Variants in PHF21B observed in about 807,000 individuals in gnomAD.
PHF21B encodes the protein PHD finger protein 4.
In PHF21B, 22 loss-of-function variants were observed where a neutral mutation model predicts 62.2. That is an observed-to-expected ratio of 0.35 (90% CI 0.25 to 0.51). The LOEUF (loss-of-function observed/expected upper bound fraction) is 0.51. Ranked by LOEUF, PHF21B falls within the 20% of genes least tolerant of loss-of-function variation. PHF21B has a pLI of 0.97. For missense variants in PHF21B, 701 were observed against 707.9 expected (o/e 0.99, Z 0.11); for synonymous variants, 341 against 314.7 (o/e 1.08, Z -0.88).
chr22:45,008,291 C>T lies in PHF21B; in HGVS notation c.120+254G>A, dbSNP rs2073362766. 8.5e-6 allele frequency: 3 copies of T among 352,568 alleles called. No individual in the cohort carries two copies. The East Asian group carries it at 1.3e-4, about 15-fold the overall frequency. 21.8% of individuals were successfully genotyped at this position (352,568 alleles called of 1,614,324 possible). A position where few individuals can be genotyped will look rare whatever the true frequency, so the allele number is the denominator to read the frequency against. ...AACATGTCCACCACCTCAAAATGGA[C>T]GCCGGGCCGCGCGCTGCCTTTTAAG... On this transcript the variant is annotated intron_variant, in intron 2 of 12. Transcript: ENST00000313237.
intron 2 of PHF21B, among the ~76,000 whole-genome samples, chr22:44,926,768 G>A (rs1218610581): frequency 2.0e-5 from 3 of 152,194 alleles, no homozygotes; most frequent in Non-Finnish European, 4.4e-5. Context: ...AGCTAGGGGT[G>A]GCCATGTATC....
At chr22:44,933,812 T>C (rs2071791484) in intron 2 of PHF21B, among the ~76,000 whole-genome samples, 1 of 151,996 alleles carries the variant, frequency 6.6e-6, no homozygotes, top group Non-Finnish European at 1.5e-5. Context: ...AATGAATCTG[T>C]GTGTACCCTG....
chr22:44,970,083 C>T (rs1020792566), intron 2 of PHF21B, among the ~76,000 whole-genome samples: 7 of 152,242 alleles, frequency 4.6e-5, no homozygotes, highest in Non-Finnish European at 1.0e-4. Context: ...TCGGGGAAGC[C>T]AGAGCCCAGG....
intron 2 of PHF21B, among the ~76,000 whole-genome samples, chr22:44,924,511 T>C (rs8142768): frequency 0.28 from 41,984 of 152,130 alleles, 6,566 homozygotes; most frequent in African/African-American, 0.42. Flanking sequence ...GGTGGAGCCC[T>C]CAGTTAGTGC....
At chr22:44,920,539 C>A in intron 2 of PHF21B, 49 bp from the exon 3 acceptor site, 5 of 1,460,408 alleles carry the variant, frequency 3.4e-6, no homozygotes, top group African/African-American at 1.4e-5. Flanking sequence ...CAGCTGAGAC[C>A]GAATCCGTTG....
chr22:44,899,285 C>CTTTTTTTTTTTT (rs71188499), intron 5 of PHF21B, among the ~76,000 whole-genome samples: 13 of 97,556 alleles, frequency 1.3e-4, no homozygotes, highest in Non-Finnish European at 1.6e-4. Context: ...TGTTCTTATT[C>CTTTTTTTTTTTT]TTTTTTTTTT....
At chr22:44,979,030 T>C (rs1986623125) in intron 2 of PHF21B, among the ~76,000 whole-genome samples, 1 of 152,246 alleles carries the variant, frequency 6.6e-6, no homozygotes, top group Non-Finnish European at 1.5e-5. Context: ...CACTTTGGGC[T>C]CAGAAAACAT....
rs532855100 is a variant in PHF21B at position 44,891,354 on chromosome 22, G to A, written c.967C>T (p.Arg323Trp). The change falls in exon 8 of 13, where the codon CGG (arginine) becomes TGG (tryptophan). Residue 323 changes from arginine (R) to tryptophan (W), a missense_variant. By Grantham distance (101) the Arg-to-Trp change is moderately radical. Transcript: ENST00000313237. ...YSGLLETERK[R>W]LASNYLNNPL... Reference sequence around the variant, plus strand: ...TTGTTGAGATAGTTGGAGGCCAGCCGTTTCCTCTGCAGGGACAGAAAACAA... The same window carrying A: ...TTGTTGAGATAGTTGGAGGCCAGCCATTTCCTCTGCAGGGACAGAAAACAA... The A allele has an allele frequency of 6.8e-6, 11 of 1,613,754 alleles. No homozygotes were observed. The highest frequency in any genetic ancestry group is 5.0e-5 in the Admixed American group (3 of 59,958).
chr22:44,883,865 G>A (rs1046177098), intron 12 of PHF21B, among the ~76,000 whole-genome samples: 2 of 152,056 alleles, frequency 1.3e-5, no homozygotes, highest in South Asian at 2.1e-4. Flanking sequence ...CCTCTTCACA[G>A]CATTATAGAG....
At chr22:44,954,970 G>C (rs1569252124) in intron 2 of PHF21B, among the ~76,000 whole-genome samples, 1 of 152,204 alleles carries the variant, frequency 6.6e-6, no homozygotes, top group Non-Finnish European at 1.5e-5. Context: ...GGGACAACAG[G>C]ACCTCGGGGT....
At chr22:45,008,858 G>C (rs2073374952) in intron 1 of PHF21B, 14 of 1,181,414 alleles carry the variant, frequency 1.2e-5, no homozygotes, top group Non-Finnish European at 1.3e-5. Context: ...ACCCGGCGGC[G>C]CGCCCCGAGC....
intron 2 of PHF21B, among the ~76,000 whole-genome samples, chr22:44,955,208 C>T (rs1188219870): frequency 6.6e-6 from 1 of 152,212 alleles, no homozygotes; most frequent in Non-Finnish European, 1.5e-5. Flanking sequence ...CAAGAGCCAG[C>T]ACAGCGCCTG....
chr22:44,916,282 T>G lies in PHF21B; in HGVS notation c.562A>C (p.Lys188Gln), dbSNP rs758069295. Reference protein sequence around the residue: ...VQPLLISADNKPPPRLLSSPH... With the variant: ...VQPLLISADNQPPPRLLSSPH... Reference sequence around the variant, plus strand: ...GGAGCCTGCTGGTGGGCACTCACCTTGTTGTCAGCACTGATGAGGAGGGGC... The same window carrying G: ...GGAGCCTGCTGGTGGGCACTCACCTGGTTGTCAGCACTGATGAGGAGGGGC... Residue 188 changes from lysine (K) to glutamine (Q), a missense_variant and splice_region_variant, in exon 4 of 13, where the codon AAG (lysine) becomes CAG (glutamine). By Grantham distance (53) the Lys-to-Gln change is moderately conservative. Coordinates refer to ENST00000313237, the MANE Select transcript of PHF21B (RefSeq NM_138415.5). 6.2e-7 allele frequency: 1 copy of G among 1,608,616 alleles called. No individual in the cohort carries two copies. The highest frequency in any genetic ancestry group is 8.5e-7 in the Non-Finnish European group (1 of 1,179,070).
chr22:44,983,600 TG>T (rs1279361262), intron 2 of PHF21B, among the ~76,000 whole-genome samples: 1 of 152,222 alleles, frequency 6.6e-6, no homozygotes, highest in Non-Finnish European at 1.5e-5. Flanking sequence ...CATCATCTTC[TG>T]TACTTTTTGT....
At chr22:45,000,685 G>A (rs980474886) in intron 2 of PHF21B, 3 of 152,156 alleles carry the variant, frequency 2.0e-5, no homozygotes, top group Non-Finnish European at 4.4e-5. Context: ...GGCTGATGCA[G>A]GCGGCGTAGT....
intron 3 of PHF21B, among the ~76,000 whole-genome samples, chr22:44,918,690 G>A (rs1179387409): frequency 1.3e-5 from 2 of 152,264 alleles, no homozygotes; most frequent in Non-Finnish European, 2.9e-5. Flanking sequence ...CAAGCTGACT[G>A]TCCTGGAGGC....
chr22:44,933,875 A>C (rs190309096), intron 2 of PHF21B, among the ~76,000 whole-genome samples: 40 of 152,318 alleles, frequency 2.6e-4, no homozygotes, highest in African/African-American at 9.1e-4. Context: ...AATGATTTAC[A>C]CAACCACAGG....
chr22:44,993,402 T>TCATC (rs2073072003), intron 2 of PHF21B, among the ~76,000 whole-genome samples: 1 of 152,132 alleles, frequency 6.6e-6, no homozygotes, highest in African/African-American at 2.4e-5. Flanking sequence ...CTATCCACGC[T>TCATC]CATCCACCAC....
At chr22:44,933,939 T>TC (rs1217765195) in intron 2 of PHF21B, among the ~76,000 whole-genome samples, 1 of 152,216 alleles carries the variant, frequency 6.6e-6, no homozygotes, top group African/African-American at 2.4e-5. Flanking sequence ...AGCGTCCTTG[T>TC]CTATTTACTG....
Sources: allele counts gnomAD v4.1 joint callset (sites outside exome capture counted in the v4.1 genomes callset), GRCh38; gene constraint gnomAD v4.1.1; transcripts MANE v1.5; gene names NCBI Gene and HGNC (gene_info 2026-07-23, HGNC 2026-07-21).